LYPD1: variants seen among roughly 807,000 people sequenced by gnomAD.
LYPD1 encodes the protein LY6/PLAUR domain containing 1.
In LYPD1, 14 loss-of-function variants were observed where a neutral mutation model predicts 14.2. The ratio of observed to expected loss-of-function variants is 0.99; its 90% CI spans 0.65 to 1.54. The LOEUF (loss-of-function observed/expected upper bound fraction) is 1.54. Among genes scored for constraint, LYPD1 ranks in the 40% most tolerant of loss-of-function variants. The probability of loss-of-function intolerance (pLI) is 0.00; values close to 1 mark genes in which losing one functional copy is unlikely to be tolerated. For missense variants in LYPD1, 165 were observed against 175.7 expected, an observed-to-expected ratio of 0.94 and a Z score of 0.34; for synonymous variants, 85 against 70.6, an observed-to-expected ratio of 1.20 and a Z score of -1.02.
chr2:132,655,694 T>C (rs1682551619), intron 2 of LYPD1, among the ~76,000 whole-genome samples: 1 of 151,882 alleles, frequency 6.6e-6, no homozygotes, highest in African/African-American at 2.4e-5. Flanking sequence ...TTTTGTGTTT[T>C]TAGTAGAGAT....
intron 2 of LYPD1, among the ~76,000 whole-genome samples, chr2:132,650,729 A>AAAAAC (rs1558876253): frequency 2.2e-5 from 3 of 136,052 alleles, no homozygotes; most frequent in African/African-American, 1.1e-4. Context: ...AAAAAAAAAC[A>AAAAAC]AAAAACAAAA....
In LYPD1 at chr2:132,670,127, G is replaced by A. The variant is rs1324112584; in HGVS notation, c.-195C>T. ...CTGCATCGCCCGCGCTCGGGCTCCC[G>A]GCTGCGGGTCTCTGCTCCTCCCGCT... On this transcript the variant is annotated 5_prime_UTR_variant, in exon 1 of 3. Transcript: ENST00000397463. The surrounding 1 kb of genome is among the most constrained non-coding windows in gnomAD (Gnocchi z 4.5). 5.7e-6 allele frequency: 8 copies of A among 1,407,424 alleles called. No individual in the cohort carries two copies. The South Asian group carries it at 1.1e-4, about 19-fold the overall frequency. The allele number at this position is 1,407,424 out of a possible 1,614,324, so 87.2% of individuals were successfully genotyped here. A position where few individuals can be genotyped will look rare whatever the true frequency, so the allele number is the denominator to read the frequency against.
chr2:132,649,771 A>T (rs1682280191), intron 2 of LYPD1, among the ~76,000 whole-genome samples: 1 of 152,196 alleles, frequency 6.6e-6, no homozygotes, highest in Non-Finnish European at 1.5e-5. Context: ...ACTCCTGAAC[A>T]GTTCCACCAT....
intron 2 of LYPD1, among the ~76,000 whole-genome samples, chr2:132,667,684 C>A (rs772535957): frequency 6.6e-6 from 1 of 152,162 alleles, no homozygotes; most frequent in African/African-American, 2.4e-5. Flanking sequence ...CTTTGGGGAA[C>A]TTTGACTTCT....
intron 2 of LYPD1, among the ~76,000 whole-genome samples, chr2:132,662,209 T>C (rs371399089): frequency 2.2e-4 from 34 of 152,324 alleles, no homozygotes; most frequent in African/African-American, 5.3e-4. Context: ...CAGGTATGGA[T>C]AGTGAATGGG....
At chr2:132,650,723 A>AAC (rs556498906) in intron 2 of LYPD1, among the ~76,000 whole-genome samples, 6 of 103,562 alleles carry the variant, frequency 5.8e-5, no homozygotes, top group Admixed American at 3.5e-4. Flanking sequence ...TTTAAAAAAA[A>AAC]AAAACAAAAA....
At position 132,646,049 on chromosome 2, in the gene LYPD1, C is replaced by A; in HGVS notation, c.422G>T (p.Cys141Phe). The A allele has an allele frequency of 6.4e-7, 1 of 1,561,060 alleles. No individual in the cohort carries two copies. The highest frequency in any genetic ancestry group is 8.7e-7 in the Non-Finnish European group (1 of 1,151,346). ...FLKLALFSAH[C>F] ...GGGGTGGCATCTCCTTCAGCTTCAGCAGTGTGCCGAGAAGAGGGCTAATTT... is the reference window on the plus strand; with the variant it reads ...GGGGTGGCATCTCCTTCAGCTTCAGAAGTGTGCCGAGAAGAGGGCTAATTT... The change falls in exon 3 of 3, where the codon TGC becomes TTC. Residue 141 changes from cysteine (C) to phenylalanine (F), a missense_variant. Transcript: ENST00000397463.
intron 2 of LYPD1, among the ~76,000 whole-genome samples, chr2:132,656,196 G>A (rs1682586841): frequency 6.6e-6 from 1 of 152,038 alleles, no homozygotes; most frequent in South Asian, 2.1e-4. Flanking sequence ...GCTCTTTTTT[G>A]CTGTACAAAG....
Position 132,645,109 on chromosome 2 carries a change from G to A in LYPD1, c.*936C>T. The A allele has an allele frequency of 1.2e-6, 2 of 1,612,228 alleles. No homozygotes were observed. Among genetic ancestry groups the A allele is most frequent in the South Asian group, 1.1e-5 (1 of 90,720 alleles). On this transcript the variant is annotated 3_prime_UTR_variant, in exon 3 of 3. Transcript: ENST00000397463. ...TGCTCGTGTCTGCCCAGGGCTGATT[G>A]TTGTGACATTGGCCGTATGCTGGAT...
chr2:132,667,941 C>G (rs1683378718), intron 2 of LYPD1, among the ~76,000 whole-genome samples: 1 of 152,200 alleles, frequency 6.6e-6, no homozygotes, highest in South Asian at 2.1e-4. Flanking sequence ...AAACAAAGAT[C>G]CTGTAGTGTT....
At chr2:132,652,183 A>G (rs1362716476) in intron 2 of LYPD1, among the ~76,000 whole-genome samples, 6 of 152,188 alleles carry the variant, frequency 3.9e-5, no homozygotes, top group African/African-American at 1.2e-4. Flanking sequence ...TTTTCTCTTA[A>G]TCGCTTCTAA....
In LYPD1 at chr2:132,670,069, G is replaced by A; in HGVS notation, c.-137C>T. On this transcript the variant is annotated 5_prime_UTR_variant, in exon 1 of 3. Transcript: ENST00000397463. The surrounding 1 kb of genome is among the most constrained non-coding windows in gnomAD (Gnocchi z 4.5). ...TGCTGCCGCGGAGACGACGGTCGTA[G>A]CTTAGAGGAGCCGCAGGTGCCGCTC... 1.3e-6 allele frequency: 2 copies of A among 1,503,190 alleles called. No homozygotes were observed. The highest frequency in any genetic ancestry group is 2.9e-5 in the African/African-American group (2 of 69,764). 93.1% of individuals were successfully genotyped at this position (1,503,190 alleles called of 1,614,324 possible). A position where few individuals can be genotyped will look rare whatever the true frequency, so the allele number is the denominator to read the frequency against.
At chr2:132,668,684 G>C (rs1450097473) in intron 1 of LYPD1, 147 bp from the exon 2 acceptor site, 3 of 1,175,810 alleles carry the variant, frequency 2.6e-6, no homozygotes, top group Non-Finnish European at 1.1e-6. Flanking sequence ...GCTGGATGTG[G>C]CTGACACCGG....
In LYPD1 at chr2:132,645,207, G is replaced by C. The variant is rs369523811; in HGVS notation, c.*838C>G. The C allele has an allele frequency of 2.2e-5, 35 of 1,614,160 alleles. 1 individual carries two copies. The East Asian group carries it at 2.2e-4, about 10-fold the overall frequency. ...ACTGGACGAGGTCCTACTTCCGGGC[G>C]TACATGATCCTCCTCCCCTTCTCGG... On this transcript the variant is annotated 3_prime_UTR_variant, in exon 3 of 3. Transcript: ENST00000397463.
chr2:132,657,209 T>C (rs1337829340), intron 2 of LYPD1, among the ~76,000 whole-genome samples: 2 of 152,226 alleles, frequency 1.3e-5, no homozygotes, highest in Non-Finnish European at 2.9e-5. Flanking sequence ...TTGGTTTTAC[T>C]CTAGTCTTGC....
At chr2:132,655,904 A>G (rs1442192119) in intron 2 of LYPD1, among the ~76,000 whole-genome samples, 4 of 152,150 alleles carry the variant, frequency 2.6e-5, no homozygotes, top group Admixed American at 1.3e-4. Context: ...TTTTTCTGCT[A>G]GAAGTATTGA....
rs1194272732 is a variant in LYPD1 at position 132,643,786 on chromosome 2, T to C, written c.*2259A>G. ...CCTTCTGCCTTGGCCTCCCAGAGTA[T>C]TGAGATATCAGGCATGCGCCACCAT... is the stretch of plus-strand genomic sequence containing the variant. On this transcript the variant is annotated 3_prime_UTR_variant, in exon 3 of 3. Transcript: ENST00000397463. 6.6e-6 allele frequency among the ~76,000 whole-genome samples: 1 copy of C among 152,190 alleles called. No individual in the cohort carries two copies.
intron 1 of LYPD1, among the ~76,000 whole-genome samples, chr2:132,668,787 C>T (rs1225322933): frequency 6.6e-6 from 1 of 152,186 alleles, no homozygotes; most frequent in Non-Finnish European, 1.5e-5. Flanking sequence ...AAGCGCCCAT[C>T]CATTACCACC....
At chr2:132,665,354 C>G (rs1683209019) in intron 2 of LYPD1, among the ~76,000 whole-genome samples, 1 of 152,150 alleles carries the variant, frequency 6.6e-6, no homozygotes, top group African/African-American at 2.4e-5. Context: ...ATTTAAAGCC[C>G]TGGTTTTTCC....
Sources: gnomAD v4.1 joint callset for allele counts (sites outside exome capture counted in the v4.1 genomes callset) on GRCh38, gnomAD v4.1.1 for gene constraint, Gnocchi (gnomAD v3.1) non-coding constraint, MANE v1.5 for transcripts, NCBI Gene and HGNC (gene_info 2026-07-23, HGNC 2026-07-21) for gene names.